Variants in SUMF1 observed in about 807,000 individuals in gnomAD.
SUMF1 encodes formylglycine-generating enzyme.
A neutral mutation model predicts 47.6 loss-of-function variants in SUMF1; 48 were observed. The observed-to-expected ratio is 1.01, with a 90% confidence interval of 0.80 to 1.28. The LOEUF (loss-of-function observed/expected upper bound fraction) is 1.28. SUMF1 is among the 50% of genes most tolerant of loss of function. The probability of loss-of-function intolerance (pLI) is 0.00; values close to 1 mark genes in which losing one functional copy is unlikely to be tolerated. For missense variants in SUMF1, 571 were observed against 485.4 expected, an observed-to-expected ratio of 1.18 and a Z score of -1.66; for synonymous variants, 230 against 192.1, an observed-to-expected ratio of 1.20 and a Z score of -1.63.
At position 4,158,249 on chromosome 3, in the gene SUMF1, A is replaced by G. The variant is rs914929608; in HGVS notation, c.1015-89504T>C. Reference sequence around the variant, plus strand: ...GGAGATATAAACAAATGTTTTGTATAGTTTCCAAAGTTCCTCTTGTTATTG... The same window carrying G: ...GGAGATATAAACAAATGTTTTGTATGGTTTCCAAAGTTCCTCTTGTTATTG... On this transcript the variant is annotated intron_variant and NMD_transcript_variant, in intron 8 of 12. Coordinates refer to the SUMF1 transcript ENST00000448413. 3.3e-5 allele frequency among the ~76,000 whole-genome samples: 5 copies of G among 151,718 alleles called. No individual in the cohort carries two copies. In the East Asian group the frequency reaches 9.6e-4, roughly 29 times the overall value.
At chr3:4,157,199 C>CG (rs1159472120) in intron 8 of SUMF1, among the ~76,000 whole-genome samples, 1 of 151,544 alleles carries the variant, frequency 6.6e-6, no homozygotes. Flanking sequence ...GCATCACAGA[C>CG]ATCTCCAATT....
intron 4 of SUMF1, among the ~76,000 whole-genome samples, 178 bp downstream of exon 4, chr3:4,419,886 C>T (rs1228770685): frequency 6.6e-6 from 1 of 152,196 alleles, no homozygotes; most frequent in Non-Finnish European, 1.5e-5. Flanking sequence ...GAGCAAGGTG[C>T]AGTGTTTGGG....
intron 8 of SUMF1, among the ~76,000 whole-genome samples, chr3:4,165,351 C>T (rs1017519614): frequency 1.3e-5 from 2 of 152,056 alleles, no homozygotes; most frequent in East Asian, 1.9e-4. Context: ...TTCCCTTCCC[C>T]TTACAGCTTG....
rs539394153 is a variant in SUMF1 at position 4,241,286 on chromosome 3, T to C, written c.1014+135044A>G. Among the ~76,000 whole-genome samples the C allele has an allele frequency of 2.0e-5, 3 of 152,272 alleles. No individual in the cohort carries two copies. The East Asian group carries it at 5.8e-4, about 29-fold the overall frequency. ...ATACATCCAGACTATCTGATGCTTC[T>C]CATGTATCTTCAGTTCAGGATAAGG... On this transcript the variant is annotated intron_variant and NMD_transcript_variant, in intron 8 of 12. Coordinates refer to the SUMF1 transcript ENST00000448413.
At chr3:4,088,313 T>G (rs988290807) in intron 8 of SUMF1, among the ~76,000 whole-genome samples, 2 of 152,140 alleles carry the variant, frequency 1.3e-5, no homozygotes, top group Admixed American at 6.5e-5. Context: ...TAGGCAAAAA[T>G]CATATTCTGA....
intron 8 of SUMF1, among the ~76,000 whole-genome samples, chr3:4,328,634 G>C (rs141782916): frequency 6.6e-6 from 1 of 152,052 alleles, no homozygotes; most frequent in African/African-American, 2.4e-5. Flanking sequence ...AACACATTGG[G>C]ATTATTATAA....
chr3:4,149,207 A>G (rs1029368711), intron 8 of SUMF1, among the ~76,000 whole-genome samples: 1 of 152,136 alleles, frequency 6.6e-6, no homozygotes, highest in Non-Finnish European at 1.5e-5. Flanking sequence ...TATGGGACTC[A>G]TAAACTACTT....
At chr3:4,082,886 A>C (rs1692597083) in intron 8 of SUMF1, among the ~76,000 whole-genome samples, 1 of 152,174 alleles carries the variant, frequency 6.6e-6, no homozygotes, top group South Asian at 2.1e-4. Flanking sequence ...TTAGATGATG[A>C]AATCTATGTC....
chr3:4,423,029 T>A (rs1334454429), intron 3 of SUMF1, among the ~76,000 whole-genome samples: 3 of 152,112 alleles, frequency 2.0e-5, no homozygotes, highest in Non-Finnish European at 4.4e-5. Context: ...TGAGAACATA[T>A]GTTGTTTGGT....
At chr3:4,116,084 T>C (rs1016385834) in intron 8 of SUMF1, among the ~76,000 whole-genome samples, 5 of 152,162 alleles carry the variant, frequency 3.3e-5, no homozygotes, top group Admixed American at 6.5e-5. Flanking sequence ...TGTCACTTGA[T>C]TCCCACATAT....
At chr3:4,401,345 G>A (rs916954900) in intron 7 of SUMF1, among the ~76,000 whole-genome samples, 1 of 152,010 alleles carries the variant, frequency 6.6e-6, no homozygotes, top group Admixed American at 6.6e-5. Context: ...TGGGATCGCT[G>A]GGTCAAATGG....
intron 9 of SUMF1, among the ~76,000 whole-genome samples, chr3:4,045,954 G>A (rs1313552587): frequency 1.3e-5 from 2 of 152,174 alleles, no homozygotes; most frequent in Non-Finnish European, 2.9e-5. Flanking sequence ...AGAAGGCTGA[G>A]GCAAGAGGAT....
intron 8 of SUMF1, among the ~76,000 whole-genome samples, chr3:4,368,855 CA>C (rs1213137547): frequency 3.3e-5 from 5 of 151,832 alleles, no homozygotes; most frequent in Admixed American, 6.6e-5. Flanking sequence ...TTCTCCGATC[CA>C]AAAAAACGGA....
At chr3:4,087,868 T>A (rs1333688893) in intron 8 of SUMF1, among the ~76,000 whole-genome samples, 2 of 152,144 alleles carry the variant, frequency 1.3e-5, no homozygotes, top group African/African-American at 4.8e-5. Flanking sequence ...TCAGTGATAA[T>A]CTCAGATAAA....
chr3:4,235,344 A>T (rs1464752703), intron 8 of SUMF1, among the ~76,000 whole-genome samples: 1 of 152,092 alleles, frequency 6.6e-6, no homozygotes, highest in Non-Finnish European at 1.5e-5. Context: ...GGATAAATAC[A>T]GTTTTGAATT....
At chr3:4,088,153 T>C (rs528919364) in intron 8 of SUMF1, among the ~76,000 whole-genome samples, 1 of 152,236 alleles carries the variant, frequency 6.6e-6, no homozygotes, top group East Asian at 1.9e-4. Flanking sequence ...GAGTGTTCTC[T>C]TTGGACACCT....
intron 8 of SUMF1, among the ~76,000 whole-genome samples, chr3:4,248,329 G>A (rs1323046244): frequency 6.6e-6 from 1 of 152,130 alleles, no homozygotes; most frequent in Non-Finnish European, 1.5e-5. Context: ...ACTTAAGGAG[G>A]GGGAGAAAAG....
At chr3:4,043,299 C>G (rs1410773247) in intron 9 of SUMF1, among the ~76,000 whole-genome samples, 1 of 152,140 alleles carries the variant, frequency 6.6e-6, no homozygotes, top group Non-Finnish European at 1.5e-5. Context: ...CAGCCCTGCC[C>G]ACACATCTCT....
intron 8 of SUMF1, among the ~76,000 whole-genome samples, chr3:4,190,691 CAT>C (rs1176295717): frequency 1.3e-5 from 2 of 152,084 alleles, no homozygotes; most frequent in Non-Finnish European, 2.9e-5. Flanking sequence ...CATAGACTAT[CAT>C]AGAGGACAAA....
Sources: allele counts gnomAD v4.1 joint callset (sites outside exome capture counted in the v4.1 genomes callset), GRCh38; gene constraint gnomAD v4.1.1; transcripts MANE v1.5; gene names NCBI Gene and HGNC (gene_info 2026-07-23, HGNC 2026-07-21).